SPMIP4: variants seen among roughly 807,000 people sequenced by gnomAD.
The protein encoded by SPMIP4 is sperm microtubule inner protein 4, also known as sperm-associated microtubule inner protein 4.
At chr7:25,136,733 A>G in the SPMIP4 span, 1 of 1,614,140 alleles carries the variant, frequency 6.2e-7, no homozygotes, top group Non-Finnish European at 8.5e-7. The surrounding 1 kb of genome is among the most constrained non-coding windows in gnomAD (Gnocchi z 5.7). Context: ...TTCTGAATTA[A>G]TCGGGCAATT....
chr7:25,134,041 C>T, the SPMIP4 span, among the ~76,000 whole-genome samples: 29,554 of 151,934 alleles, frequency 0.19, 3,534 homozygotes, highest in African/African-American at 0.34. Context: ...GCAGGTGGAT[C>T]ACGAGGTCAG....
At chr7:25,141,604 T>G in the SPMIP4 span, among the ~76,000 whole-genome samples, 1 of 140,776 alleles carries the variant, frequency 7.1e-6, no homozygotes, top group East Asian at 2.1e-4. Context: ...AAAGCAAAGA[T>G]CTACGGAATT....
At chr7:25,156,620 G>A in the SPMIP4 span, among the ~76,000 whole-genome samples, 2 of 152,176 alleles carry the variant, frequency 1.3e-5, no homozygotes, top group Non-Finnish European at 1.5e-5. Flanking sequence ...AGGATACTGG[G>A]TGCTCAGATC....
chr7:25,164,722 C>T, the SPMIP4 span, among the ~76,000 whole-genome samples: 1 of 152,158 alleles, frequency 6.6e-6, no homozygotes, highest in South Asian at 2.1e-4. Context: ...TTGGTGTAAC[C>T]ATCACCCAAG....
chr7:25,140,748 C>T, the SPMIP4 span, among the ~76,000 whole-genome samples: 10 of 150,266 alleles, frequency 6.7e-5, no homozygotes, highest in Non-Finnish European at 1.3e-4. Flanking sequence ...CCACCACGCC[C>T]GGCTAATTTT....
chr7:25,169,000 T>C, the SPMIP4 span, among the ~76,000 whole-genome samples: 258 of 151,166 alleles, frequency 1.7e-3, 1 homozygote, highest in Admixed American at 3.5e-3. Context: ...GTGCTTGAGA[T>C]TACAGGTGTG....
the SPMIP4 span, chr7:25,142,242 G>C: frequency 2.5e-6 from 4 of 1,608,974 alleles, no homozygotes; most frequent in Non-Finnish European, 3.4e-6. Flanking sequence ...ATTACTTACC[G>C]GCTCTGGGTC....
the SPMIP4 span, among the ~76,000 whole-genome samples, chr7:25,127,528 A>T: frequency 6.6e-6 from 1 of 152,170 alleles, no homozygotes; most frequent in Non-Finnish European, 1.5e-5. Flanking sequence ...AATTTCTGCT[A>T]GATTCTTTTT....
the SPMIP4 span, among the ~76,000 whole-genome samples, chr7:25,157,118 C>T: frequency 3.3e-5 from 5 of 151,970 alleles, no homozygotes; most frequent in African/African-American, 4.8e-5. Context: ...AATATAGGAG[C>T]GAACTCAAAG....
At chr7:25,174,202 G>A in the SPMIP4 span, among the ~76,000 whole-genome samples, 4 of 149,926 alleles carry the variant, frequency 2.7e-5, no homozygotes, top group East Asian at 3.9e-4. The surrounding 1 kb of genome is among the most constrained non-coding windows in gnomAD (Gnocchi z 4.5). Flanking sequence ...CTCTCTCTCC[G>A]TCTCCCTTTC....
At chr7:25,179,153 C>CT in the SPMIP4 span, 3 of 1,577,496 alleles carry the variant, frequency 1.9e-6, no homozygotes, top group Non-Finnish European at 2.6e-6. Context: ...TTCTTGTTTG[C>CT]TTTTTCTAGT....
chr7:25,176,431 C>A, the SPMIP4 span, among the ~76,000 whole-genome samples: 2 of 152,216 alleles, frequency 1.3e-5, no homozygotes, highest in African/African-American at 4.8e-5. The surrounding 1 kb of genome is among the most constrained non-coding windows in gnomAD (Gnocchi z 4.4). Context: ...ATGTGATAAC[C>A]CTTGGAGTTG....
the SPMIP4 span, among the ~76,000 whole-genome samples, chr7:25,154,038 G>C: frequency 6.6e-6 from 1 of 152,208 alleles, no homozygotes; most frequent in Non-Finnish European, 1.5e-5. Flanking sequence ...GCAGAACAGA[G>C]GAGTTCAGAA....
At chr7:25,164,448 G>A in the SPMIP4 span, among the ~76,000 whole-genome samples, 2 of 152,198 alleles carry the variant, frequency 1.3e-5, no homozygotes, top group African/African-American at 4.8e-5. Context: ...GTCTTCAGTA[G>A]CATGGAGTTA....
chr7:25,169,555 C>A, the SPMIP4 span, among the ~76,000 whole-genome samples: 8 of 152,238 alleles, frequency 5.3e-5, no homozygotes, highest in Admixed American at 2.6e-4. Flanking sequence ...TGTGTCCATA[C>A]TCCATTCCAT....
the SPMIP4 span, among the ~76,000 whole-genome samples, chr7:25,151,247 G>C: frequency 0.6 from 89,902 of 149,036 alleles, 28,105 homozygotes; most frequent in Non-Finnish European, 0.69. Context: ...TTTTTAAACA[G>C]AGTTCACTCT....
the SPMIP4 span, among the ~76,000 whole-genome samples, chr7:25,175,723 G>A: frequency 1.3e-5 from 2 of 152,128 alleles, no homozygotes; most frequent in Admixed American, 1.3e-4. Flanking sequence ...TTTCTGTTTT[G>A]TATTGTTTTA....
At chr7:25,150,157 T>C in the SPMIP4 span, among the ~76,000 whole-genome samples, 1 of 152,118 alleles carries the variant, frequency 6.6e-6, no homozygotes, top group African/African-American at 2.4e-5. Context: ...CATAGGGATT[T>C]ACACTCAGGC....
chr7:25,148,591 C>T, the SPMIP4 span, among the ~76,000 whole-genome samples: 6 of 151,538 alleles, frequency 4.0e-5, no homozygotes, highest in African/African-American at 1.2e-4. Context: ...TCTCCTGCCT[C>T]GGCCTCCTGA....
Sources: allele counts gnomAD v4.1 joint callset (sites outside exome capture counted in the v4.1 genomes callset), GRCh38; gene constraint gnomAD v4.1.1; non-coding constraint Gnocchi (gnomAD v3.1); transcripts MANE v1.5; gene names NCBI Gene and HGNC (gene_info 2026-07-23, HGNC 2026-07-21).